PHKB: variants seen among roughly 807,000 people sequenced by gnomAD.
PHKB encodes phosphorylase b kinase regulatory subunit beta.
A neutral mutation model predicts 152.1 loss-of-function variants in PHKB; 122 were observed. That is an observed-to-expected ratio of 0.80 (90% CI 0.69 to 0.93). PHKB has a LOEUF of 0.93. Ranked by LOEUF, PHKB falls within the 40% of genes least tolerant of loss-of-function variation. The pLI is 0.00. For synonymous variants in PHKB, 436 were observed against 464.9 expected (o/e 0.94, Z 0.80); for missense variants, 1,304 against 1,328.4 (o/e 0.98, Z 0.29).
At chr16:47,551,244 G>C (rs570161104) in intron 7 of PHKB, among the ~76,000 whole-genome samples, 13 of 152,026 alleles carry the variant, frequency 8.6e-5, no homozygotes, top group Non-Finnish European at 1.6e-4. Flanking sequence ...GTTATTTCTT[G>C]TCTTCTGCTA....
intron 6 of PHKB, chr16:47,529,190 G>A (rs556889190): frequency 1.3e-5 from 2 of 152,058 alleles, no homozygotes; most frequent in African/African-American, 4.8e-5. Context: ...AAAAGAAGAG[G>A]CTTTAAAGAA....
rs557174650 is a variant in PHKB at position 47,540,041 on chromosome 16, C to T, written c.595-7392C>T. Among the ~76,000 whole-genome samples, 111 of 152,244 alleles carry T rather than the reference C, an allele frequency of 7.3e-4. 3 individuals carry two copies. In the South Asian group the frequency reaches 0.014, roughly 19 times the overall value. On this transcript the variant is annotated intron_variant, in intron 6 of 30. Coordinates refer to ENST00000323584, the MANE Select transcript of PHKB (RefSeq NM_000293.3). ...TTACTTCTTGCAGAGAGCCTATAAA[C>T]GGACGTGCAAGTAGGAGAGATATCA...
intron 7 of PHKB, chr16:47,562,561 T>C (rs991963047): frequency 2.0e-5 from 3 of 152,196 alleles, no homozygotes; most frequent in Non-Finnish European, 4.4e-5. Context: ...AAAAAGGACT[T>C]TCCCTTAGTT....
intron 1 of PHKB, among the ~76,000 whole-genome samples, chr16:47,495,561 A>G (rs575398995): frequency 2.0e-5 from 3 of 152,178 alleles, no homozygotes; most frequent in African/African-American, 4.8e-5. Flanking sequence ...ATATATACAT[A>G]TGCACAATTT....
At chr16:47,604,778 GA>G (rs201009956) in intron 13 of PHKB, among the ~76,000 whole-genome samples, 6 of 150,754 alleles carry the variant, frequency 4.0e-5, no homozygotes, top group East Asian at 1.9e-4. Flanking sequence ...AACCTTCTGT[GA>G]AAAAAAAATT....
intron 4 of PHKB, among the ~76,000 whole-genome samples, chr16:47,510,157 C>T (rs1029555725): frequency 2.0e-5 from 3 of 152,194 alleles, no homozygotes; most frequent in Admixed American, 1.3e-4. Context: ...GCATTACCCT[C>T]TTGGCATGCA....
chr16:47,463,923 G>C, intron 1 of PHKB: 2 of 1,614,012 alleles, frequency 1.2e-6, no homozygotes, highest in Non-Finnish European at 1.7e-6. Flanking sequence ...CTTATGATTA[G>C]AGCCAACAAT....
chr16:47,560,139 G>A (rs772112347), intron 7 of PHKB, among the ~76,000 whole-genome samples: 5 of 152,148 alleles, frequency 3.3e-5, no homozygotes, highest in Non-Finnish European at 7.4e-5. Context: ...AAAAATCAGG[G>A]TAAATTGGTC....
intron 14 of PHKB, among the ~76,000 whole-genome samples, chr16:47,634,506 T>A (rs1334726149): frequency 6.6e-6 from 1 of 152,310 alleles, no homozygotes; most frequent in East Asian, 1.9e-4. Flanking sequence ...ATATAATTTC[T>A]GTATCGGACA....
chr16:47,544,394 G>C (rs771631578), intron 6 of PHKB, among the ~76,000 whole-genome samples: 1 of 152,146 alleles, frequency 6.6e-6, no homozygotes, highest in Non-Finnish European at 1.5e-5. Context: ...GTAGTTGTGC[G>C]GTTTTGAGTG....
In PHKB at chr16:47,515,535, A is replaced by C; in HGVS notation, c.528A>C (p.Ser176=). The change falls in exon 6 of 31, where the codon TCA becomes TCC. Residue 176 remains serine (S), a synonymous_variant. Transcript: ENST00000323584. ...GTTTGTTGCAGATAAATGCAGTGTC[A>C]CTTTATCTCCTTTACCTTGTGGAAA... The part of the protein sequence containing the change: ...EYGHLQINAV[S]LYLLYLVEMI... 1 of 1,440,492 alleles carries C rather than the reference A, an allele frequency of 6.9e-7. No individual in the cohort carries two copies. The highest frequency in any genetic ancestry group is 2.3e-5 in the East Asian group (1 of 43,946). The allele number at this position is 1,440,492 out of a possible 1,614,324, so 89.2% of individuals were successfully genotyped here.
chr16:47,581,179 G>A (rs957365779), intron 8 of PHKB, among the ~76,000 whole-genome samples: 1 of 152,164 alleles, frequency 6.6e-6, no homozygotes, highest in Non-Finnish European at 1.5e-5. Context: ...CATGGTTTTT[G>A]TTATGGCAAT....
At chr16:47,642,112 G>A (rs1370180021) in intron 16 of PHKB, among the ~76,000 whole-genome samples, 2 of 146,314 alleles carry the variant, frequency 1.4e-5, no homozygotes, top group Non-Finnish European at 3.0e-5. Context: ...TGATTTTTTC[G>A]CCTTTGATTA....
At chr16:47,581,550 G>A (rs928113833) in intron 8 of PHKB, among the ~76,000 whole-genome samples, 8 of 152,054 alleles carry the variant, frequency 5.3e-5, no homozygotes, top group East Asian at 1.9e-4. Context: ...CAGCTTCCTC[G>A]TCTAAAAAAA....
Position 47,594,181 on chromosome 16 carries a change from CT to C in PHKB, c.1175del (p.Leu392Ter). On this transcript the variant is annotated frameshift_variant, in exon 12 of 31. Coordinates refer to ENST00000323584, the MANE Select transcript of PHKB (RefSeq NM_000293.3). LOFTEE classifies it high-confidence loss of function. ...TAAGCAAGTACAGGAATATCAGGATCTTTTGACTCCAGTACTTCATCATACC... is the reference window on the plus strand; with the variant it reads ...TAAGCAAGTACAGGAATATCAGGATCTTTGACTCCAGTACTTCATCATACC... ...NPKQVQEYQD[L>X]LTPVLHHTTE... 1 of 1,575,874 alleles carries C rather than the reference CT, an allele frequency of 6.3e-7. No individual in the cohort carries two copies. Among genetic ancestry groups the C allele is most frequent in the Non-Finnish European group, 8.7e-7 (1 of 1,145,634 alleles).
chr16:47,511,611 T>G, intron 4 of PHKB, 54 bp from the exon 5 acceptor site: 1 of 1,232,326 alleles, frequency 8.1e-7, no homozygotes, highest in Non-Finnish European at 1.2e-6. Flanking sequence ...TAATCTATAG[T>G]CTTGGATAAG....
intron 7 of PHKB, among the ~76,000 whole-genome samples, chr16:47,560,988 G>A (rs142353659): frequency 1.8e-4 from 28 of 152,194 alleles, no homozygotes; most frequent in African/African-American, 4.6e-4. Context: ...GTGCTCATTC[G>A]GTGTTCAACT....
chr16:47,468,449 C>T (rs4258639), intron 1 of PHKB, among the ~76,000 whole-genome samples: 17 of 152,208 alleles, frequency 1.1e-4, no homozygotes, highest in Non-Finnish European at 1.5e-4. Context: ...GTCAGAAGTT[C>T]GAGATCAGCC....
Position 47,699,469 on chromosome 16 carries a change from G to A in PHKB, c.*103G>A. Reference sequence around the variant, plus strand: ...AGCCATTAATATACGAACTGAGCATGCTGGGGAGGTGAATGCCACATCCTT... The same window carrying A: ...AGCCATTAATATACGAACTGAGCATACTGGGGAGGTGAATGCCACATCCTT... On this transcript the variant is annotated 3_prime_UTR_variant, in exon 31 of 31. Transcript: ENST00000323584. The A allele has an allele frequency of 7.4e-7, 1 of 1,348,894 alleles. No homozygotes were observed. The highest frequency in any genetic ancestry group is 1.2e-5 in the South Asian group (1 of 85,474). 83.6% of individuals were successfully genotyped at this position (1,348,894 alleles called of 1,614,324 possible).
Sources: gnomAD v4.1 joint callset for allele counts (sites outside exome capture counted in the v4.1 genomes callset) on GRCh38, gnomAD v4.1.1 for gene constraint, MANE v1.5 for transcripts, NCBI Gene and HGNC (gene_info 2026-07-23, HGNC 2026-07-21) for gene names.